SPDYE3: variants seen among roughly 807,000 people sequenced by gnomAD.
SPDYE3 encodes speedy/RINGO cell cycle regulator family member E3.
In SPDYE3, 15 loss-of-function variants were observed where a neutral mutation model predicts 55.0. The observed-to-expected ratio is 0.27, with a 90% CI of 0.18 to 0.42. The LOEUF (loss-of-function observed/expected upper bound fraction) is 0.42. Among genes scored for constraint, SPDYE3 ranks in the 10% least tolerant of loss-of-function variants. SPDYE3 has a pLI of 1.00. For synonymous variants in SPDYE3, 89 were observed against 229.9 expected, an observed-to-expected ratio of 0.39 and a Z score of 5.55; for missense variants, 236 against 576.7, an observed-to-expected ratio of 0.41 and a Z score of 6.05.
At chr7:100,316,973 T>C in intron 7 of SPDYE3, 97 bp from the exon 8 acceptor site, 1 of 1,587,872 alleles carries the variant, frequency 6.3e-7, no homozygotes, top group Non-Finnish European at 8.6e-7. Context: ...CCTTCTCTGA[T>C]GGGCAACCCC....
Position 100,310,586 on chromosome 7 carries a change from G to T in SPDYE3, c.544+8G>T. 1 of 224,446 alleles carries T rather than the reference G, an allele frequency of 4.5e-6. No individual in the cohort carries two copies. Among genetic ancestry groups the T allele is most frequent in the Non-Finnish European group, 8.0e-6 (1 of 124,540 alleles). 13.9% of individuals were successfully genotyped at this position (224,446 alleles called of 1,614,324 possible). A position where few individuals can be genotyped will look rare whatever the true frequency, so the allele number is the denominator to read the frequency against. On this transcript the variant is annotated splice_region_variant and intron_variant, in intron 3 of 10. Coordinates refer to ENST00000332397, the MANE Select transcript of SPDYE3 (RefSeq NM_001004351.5). ...CCTTCAACAGGCTGCTTGGTAGGAG[G>T]ACACCCCAGAGAGCACCTCCAATCC... is the stretch of plus-strand genomic sequence containing the variant.
At chr7:100,317,777 A>T (rs968980069) in intron 8 of SPDYE3, among the ~76,000 whole-genome samples, 12 of 151,328 alleles carry the variant, frequency 7.9e-5, no homozygotes, top group Non-Finnish European at 1.5e-4. Context: ...CATCCTGGCT[A>T]ACATGGTGAA....
Position 100,320,040 on chromosome 7 carries a change from A to G in SPDYE3, c.*45+5A>G, listed in dbSNP as rs111727167. On this transcript the variant is annotated splice_donor_5th_base_variant and intron_variant, in intron 10 of 10. Coordinates refer to ENST00000332397, the MANE Select transcript of SPDYE3 (RefSeq NM_001004351.5). ...AGGTCATCGGCCTGAGAGAAGGTAC[A>G]TCTGCATCCTCCGGGGTAAAGGCAG... The G allele has an allele frequency of 6.2e-7, 1 of 1,603,436 alleles. No individual in the cohort carries two copies. Among genetic ancestry groups the G allele is most frequent in the African/African-American group, 1.3e-5 (1 of 74,952 alleles).
In SPDYE3 at chr7:100,317,217, G is replaced by T. The variant is rs544405560; in HGVS notation, c.1346+62G>T. The T allele has an allele frequency of 2.1e-4, 330 of 1,551,978 alleles. 1 individual carries two copies. The East Asian group carries it at 7.2e-3, about 34-fold the overall frequency. On this transcript the variant is annotated intron_variant, in intron 8 of 10. Transcript: ENST00000332397. ...ACGCCCTGGGACAGCGGGGGAAGTG[G>T]GATTCCAGCCTTTCATTTATTCTTT... is the stretch of plus-strand genomic sequence containing the variant.
Position 100,321,478 on chromosome 7 carries a change from ATTTTC to A in SPDYE3, c.*639_*643del, listed in dbSNP as rs1789580330. On this transcript the variant is annotated 3_prime_UTR_variant, in exon 11 of 11. Coordinates refer to ENST00000332397, the MANE Select transcript of SPDYE3 (RefSeq NM_001004351.5). Reference sequence around the variant, plus strand: ...TAGTTGTTATATATACATAAAGATAATTTTCTTTTCATTTTTAAGTGAGAATTCTT... The same window carrying A: ...TAGTTGTTATATATACATAAAGATAATTTTCATTTTTAAGTGAGAATTCTT... 3 of 160,300 alleles carry A rather than the reference ATTTTC, an allele frequency of 1.9e-5. No individual in the cohort carries two copies. Among genetic ancestry groups the A allele is most frequent in the African/African-American group, 4.8e-5 (2 of 41,390 alleles). The allele number at this position is 160,300 out of a possible 1,614,324, so 9.9% of individuals were successfully genotyped here.
At chr7:100,308,093 G>A (rs1805867495) in intron 1 of SPDYE3, 102 bp downstream of exon 1, 2 of 1,376,992 alleles carry the variant, frequency 1.5e-6, no homozygotes, top group African/African-American at 2.9e-5. Flanking sequence ...ACTTTGGGAG[G>A]CCGAGGCGGG....
intron 8 of SPDYE3, among the ~76,000 whole-genome samples, chr7:100,317,892 C>T (rs1322424282): frequency 6.9e-5 from 10 of 144,622 alleles, no homozygotes; most frequent in African/African-American, 2.0e-4. Context: ...AGGAGAATGG[C>T]GTGAACCTGG....
intron 10 of SPDYE3, 141 bp downstream of exon 10, chr7:100,320,176 G>T: frequency 6.8e-7 from 1 of 1,473,484 alleles, no homozygotes; most frequent in Non-Finnish European, 9.0e-7. Flanking sequence ...AAATTAGCCA[G>T]GCGATGTGGG....
chr7:100,312,807 T>A (rs1221415893), intron 4 of SPDYE3, among the ~76,000 whole-genome samples: 1 of 137,342 alleles, frequency 7.3e-6, no homozygotes, highest in Admixed American at 7.3e-5. Context: ...ATCCGGGAGA[T>A]AGATGTTGCA....
Position 100,320,532 on chromosome 7 carries a change from T to C in SPDYE3, c.*46-359T>C. ...GATGTTGTCACATTAGAAACAGATC[T>C]AGCACAGTTACAAGTTTAGATCTGA... On this transcript the variant is annotated intron_variant, in intron 10 of 10. Coordinates refer to ENST00000332397, the MANE Select transcript of SPDYE3 (RefSeq NM_001004351.5). 4.2e-6 allele frequency: 4 copies of C among 962,336 alleles called. No individual in the cohort carries two copies. In the South Asian group the frequency reaches 8.7e-5, roughly 21 times the overall value. 59.6% of individuals were successfully genotyped at this position (962,336 alleles called of 1,614,324 possible).
rs769055476 is a variant in SPDYE3 at position 100,319,792 on chromosome 7, C to A, written c.1574C>A (p.Pro525Gln). The change falls in exon 9 of 11, where the codon CCG becomes CAG. Residue 525 changes from proline (P) to glutamine (Q), a missense_variant. Physicochemically the swap from Pro to Gln is moderately conservative, Grantham distance 76. Coordinates refer to ENST00000332397, the MANE Select transcript of SPDYE3 (RefSeq NM_001004351.5). ...ATGCGCTGCAGGGCTTGGGTTTCCC[C>A]GGAGGAGTTGGAGGAGGTGGGTGGG... ...CSMRCRAWVS[P>Q]EELEEIQAYD... is the part of the protein sequence containing the mutation. 7.6e-6 allele frequency: 12 copies of A among 1,583,042 alleles called. No homozygotes were observed. The East Asian group carries it at 2.4e-4, about 31-fold the overall frequency.
chr7:100,317,248 AT>A, intron 8 of SPDYE3, 93 bp downstream of exon 8: 3 of 1,269,630 alleles, frequency 2.4e-6, no homozygotes, highest in South Asian at 2.4e-5. Context: ...TCTTTCACCT[AT>A]TTGTCCTCTT....
intron 5 of SPDYE3, chr7:100,314,317 A>AT (rs2129966864): frequency 1.8e-6 from 1 of 544,418 alleles, no homozygotes; most frequent in South Asian, 2.1e-5. Context: ...CCAGGGAACG[A>AT]TATGACGCAG....
intron 10 of SPDYE3, chr7:100,320,621 C>T: frequency 1.9e-6 from 2 of 1,040,072 alleles, no homozygotes; most frequent in Non-Finnish European, 2.4e-6. Flanking sequence ...GTGCCCTACT[C>T]CCTGGGAAGA....
chr7:100,307,973 G>A lies in SPDYE3; in HGVS notation c.88G>A (p.Glu30Lys). 1 of 1,558,582 alleles carries A rather than the reference G, an allele frequency of 6.4e-7. No homozygotes were observed. Among genetic ancestry groups the A allele is most frequent in the Non-Finnish European group, 8.6e-7 (1 of 1,160,250 alleles). The change falls in exon 1 of 11, where the codon GAA (glutamate) becomes AAA (lysine). Residue 30 changes from glutamate to lysine, a missense_variant. Transcript: ENST00000332397. ...GYPLQEVVDD[E>K]VSGPSAPGVD... ...CCCCCTCCAGGAGGTGGTGGATGATGAAGTGTCGGGACCATCAGGTGAGGG... is the reference window on the plus strand; with the variant it reads ...CCCCCTCCAGGAGGTGGTGGATGATAAAGTGTCGGGACCATCAGGTGAGGG...
rs767901749 is a variant in SPDYE3, at chr7:100,307,874, T to C, written c.-12T>C. The C allele has an allele frequency of 5.1e-5, 80 of 1,573,978 alleles. No individual in the cohort carries two copies. The highest frequency in any genetic ancestry group is 6.6e-5 in the Non-Finnish European group (77 of 1,168,482). On this transcript the variant is annotated 5_prime_UTR_variant, in exon 1 of 11. Transcript: ENST00000332397. The stretch of plus-strand genomic sequence containing the variant: ...TAGCTTCGGTGAGATTGGACAGATT[T>C]TGGGAAAGATCATGACGAGCCATCA...
chr7:100,316,235 T>G (rs1474418129), intron 7 of SPDYE3, among the ~76,000 whole-genome samples: 1 of 152,180 alleles, frequency 6.6e-6, no homozygotes, highest in Non-Finnish European at 1.5e-5. Flanking sequence ...CCTCCCAAAG[T>G]GCTGAGATTA....
Position 100,311,832 on chromosome 7 carries a change from G to A in SPDYE3, c.627G>A (p.Glu209=), listed in dbSNP as rs1805965782. ...KRECLDESDD[E]PEKELAPEPE... is the part of the protein sequence containing the mutation. ...AGTGTTTGGATGAATCTGATGATGA[G>A]CCAGAGAAGGAGCTCGCCCCTGAGC... Residue 209 remains glutamate, a synonymous_variant, in exon 4 of 11, where the codon GAG becomes GAA. Coordinates refer to ENST00000332397, the MANE Select transcript of SPDYE3 (RefSeq NM_001004351.5). 7 of 1,511,330 alleles carry A rather than the reference G, an allele frequency of 4.6e-6. 2 individuals are homozygous for A. Among genetic ancestry groups the A allele is most frequent in the Non-Finnish European group, 6.2e-6 (7 of 1,122,992 alleles). 93.6% of individuals were successfully genotyped at this position (1,511,330 alleles called of 1,614,324 possible).
intron 7 of SPDYE3, among the ~76,000 whole-genome samples, 161 bp from the exon 8 acceptor site, chr7:100,316,909 T>C (rs1279508389): frequency 1.3e-5 from 2 of 152,150 alleles, no homozygotes; most frequent in Non-Finnish European, 1.5e-5. Flanking sequence ...GACCTTCGAA[T>C]ACCCCTCCAC....
Sources: allele counts gnomAD v4.1 joint callset (sites outside exome capture counted in the v4.1 genomes callset), GRCh38; gene constraint gnomAD v4.1.1; transcripts MANE v1.5; gene names NCBI Gene and HGNC (gene_info 2026-07-23, HGNC 2026-07-21).